The following DOCK7 variants were observed in gnomAD, a reference collection of about 807,000 sequenced individuals.
DOCK7 encodes the protein dedicator of cytokinesis protein 7.
Under a neutral mutation model 271.0 loss-of-function variants are expected in DOCK7, and 138 were observed. That is an observed-to-expected ratio of 0.51 (90% confidence interval 0.44 to 0.59). The LOEUF (loss-of-function observed/expected upper bound fraction) is 0.59, where lower values mean the gene tolerates loss of function less well. DOCK7 is among the 20% of genes least tolerant of loss of function. The pLI is 0.00. For synonymous variants in DOCK7, 823 were observed against 876.1 expected, an observed-to-expected ratio of 0.94 and a Z score of 1.07; for missense variants, 2,066 against 2,592.4, an observed-to-expected ratio of 0.80 and a Z score of 4.41.
At position 62,681,141 on chromosome 1, in the gene DOCK7, T is replaced by C. The variant is rs1296404582; in HGVS notation, c.38+7086A>G. Among the ~76,000 whole-genome samples the C allele has an allele frequency of 3.3e-5, 5 of 151,990 alleles. No homozygotes were observed. The East Asian group carries it at 7.7e-4, about 24-fold the overall frequency. On this transcript the variant is annotated intron_variant, in intron 1 of 49. Transcript: ENST00000635253. ...CAAAGACTTGGAACCAACCCAAATG[T>C]CCATCAATGATAGACTGGATGAAGA...
At chr1:62,683,862 G>C (rs986987827) in intron 1 of DOCK7, among the ~76,000 whole-genome samples, 3 of 152,074 alleles carry the variant, frequency 2.0e-5, no homozygotes, top group African/African-American at 7.2e-5. Context: ...TGGGGGCAGA[G>C]ACTTCAGTGA....
chr1:62,589,680 G>A (rs2149507513), intron 14 of DOCK7, among the ~76,000 whole-genome samples: 1 of 151,476 alleles, frequency 6.6e-6, no homozygotes, highest in African/African-American at 2.4e-5. Flanking sequence ...TCAAATTCAG[G>A]ACTATAAGGT....
chr1:62,655,486 G>A (rs1657909027), intron 2 of DOCK7, among the ~76,000 whole-genome samples: 2 of 148,338 alleles, frequency 1.3e-5, no homozygotes, highest in South Asian at 4.2e-4. Flanking sequence ...GTGCAATGGT[G>A]CAATTTCAGC....
intron 35 of DOCK7, 33 bp downstream of exon 35, chr1:62,507,929 C>G: frequency 2.5e-6 from 4 of 1,590,396 alleles, no homozygotes; most frequent in Non-Finnish European, 3.4e-6. Flanking sequence ...TTACCAAATC[C>G]GTATTTTAAA....
chr1:62,549,692 A>G (rs1309502798), intron 22 of DOCK7, among the ~76,000 whole-genome samples: 1 of 152,126 alleles, frequency 6.6e-6, no homozygotes, highest in African/African-American at 2.4e-5. Flanking sequence ...TAAATAACTA[A>G]ATAATAAACA....
At chr1:62,592,400 C>T (rs1055030288) in intron 14 of DOCK7, among the ~76,000 whole-genome samples, 2 of 151,572 alleles carry the variant, frequency 1.3e-5, no homozygotes, top group Non-Finnish European at 2.9e-5. Context: ...TTAAAGAGAC[C>T]GGATTTTATA....
intron 41 of DOCK7, among the ~76,000 whole-genome samples, chr1:62,491,317 C>G (rs1337253240): frequency 1.3e-5 from 2 of 152,218 alleles, no homozygotes; most frequent in Admixed American, 1.3e-4. Flanking sequence ...TCAAGCTTCT[C>G]TCTTACCCTA....
intron 29 of DOCK7, 95 bp downstream of exon 29, chr1:62,535,398 T>C: frequency 9.6e-7 from 1 of 1,041,146 alleles, no homozygotes; most frequent in Non-Finnish European, 1.4e-6. Context: ...TGTGAAAGAT[T>C]ATTCTCCTAA....
At chr1:62,617,392 C>T (rs1652577955) in intron 14 of DOCK7, among the ~76,000 whole-genome samples, 1 of 151,922 alleles carries the variant, frequency 6.6e-6, no homozygotes, top group South Asian at 2.1e-4. Flanking sequence ...ATTTGATTTA[C>T]AATTTTCAAA....
In DOCK7 at chr1:62,475,331, T is replaced by G; in HGVS notation, c.5982A>C (p.Glu1994Asp). 6.2e-7 allele frequency: 1 copy of G among 1,613,944 alleles called. No individual in the cohort carries two copies. Among genetic ancestry groups the G allele is most frequent in the Non-Finnish European group, 8.5e-7 (1 of 1,179,918 alleles). ...HKEEIILTPI[E>D]VAIEDMQKKT... is the part of the protein sequence containing the mutation. ...TTTTCTGCATGTCCTCAATAGCAAC[T>G]TCAATTGGTGTTAAGATGATCTGAG... Residue 1994 changes from glutamate (E) to aspartate (D), a missense_variant, in exon 47 of 50, where the codon GAA becomes GAC. Physicochemically the swap from Glu to Asp is conservative, Grantham distance 45. Transcript: ENST00000635253.
At chr1:62,538,737 A>G (rs1219666454) in intron 27 of DOCK7, among the ~76,000 whole-genome samples, 2 of 152,230 alleles carry the variant, frequency 1.3e-5, no homozygotes, top group Non-Finnish European at 1.5e-5. Context: ...AATTCTAAAT[A>G]TTAGACTGCC....
At chr1:62,639,583 T>A (rs1655741066) in intron 7 of DOCK7, among the ~76,000 whole-genome samples, 1 of 151,706 alleles carries the variant, frequency 6.6e-6, no homozygotes, top group Non-Finnish European at 1.5e-5. Context: ...TACAGGCGCA[T>A]GCCACCACAC....
In DOCK7 at chr1:62,494,393, T is replaced by C. The variant is rs757021977; in HGVS notation, c.5099A>G (p.Glu1700Gly). 5.6e-6 allele frequency: 9 copies of C among 1,613,432 alleles called. No individual in the cohort carries two copies. The highest frequency in any genetic ancestry group is 7.6e-6 in the Non-Finnish European group (9 of 1,179,500). ...TGCAGCTTCAGCATGATTGCTTCGT[T>C]CTGAGTGCTTGCCTGCCATGTTCTG... ...WLQNMAGKHS[E>G]RSNHAEAAQC... Residue 1700 changes from glutamate to glycine, a missense_variant, in exon 40 of 50, where the codon GAA becomes GGA. Physicochemically the swap from Glu to Gly is moderately conservative, Grantham distance 98. Around this residue, in one of 2 missense-constraint regions of DOCK7, gnomAD observed 652 missense variants for 922.1 expected, o/e 0.71. Coordinates refer to ENST00000635253, the MANE Select transcript of DOCK7 (RefSeq NM_001367561.1).
chr1:62,631,557 G>T, intron 10 of DOCK7, 152 bp from the exon 11 acceptor site: 1 of 632,660 alleles, frequency 1.6e-6, no homozygotes, highest in Non-Finnish European at 2.6e-6. Context: ...AAGTATTAGT[G>T]CAATATCTTA....
chr1:62,531,356 T>C (rs1232909730), intron 29 of DOCK7, among the ~76,000 whole-genome samples: 1 of 152,336 alleles, frequency 6.6e-6, no homozygotes, highest in East Asian at 1.9e-4. Context: ...TATATATTAA[T>C]ACAAGATCTG....
chr1:62,631,662 G>C (rs1480729111), intron 10 of DOCK7, among the ~76,000 whole-genome samples: 2 of 152,192 alleles, frequency 1.3e-5, no homozygotes, highest in Admixed American at 6.5e-5. Context: ...GGAGAAGAGA[G>C]TAAGTACCAA....
chr1:62,468,140 C>A (rs897102866), intron 48 of DOCK7, among the ~76,000 whole-genome samples: 1 of 152,008 alleles, frequency 6.6e-6, no homozygotes, highest in Admixed American at 6.6e-5. Context: ...GTGGGCAGAT[C>A]GCCTGAGGTC....
chr1:62,660,233 A>C (rs764390974), intron 2 of DOCK7, among the ~76,000 whole-genome samples: 1 of 152,214 alleles, frequency 6.6e-6, no homozygotes, highest in Non-Finnish European at 1.5e-5. Flanking sequence ...TTCTCTGACT[A>C]TAGTAGAATC....
Position 62,528,110 on chromosome 1 carries a change from T to A in DOCK7, c.3936+41A>T, listed in dbSNP as rs1226872575. 2.5e-6 allele frequency: 4 copies of A among 1,575,956 alleles called. No homozygotes were observed. In the East Asian group the frequency reaches 6.8e-5, roughly 27 times the overall value. On this transcript the variant is annotated intron_variant, in intron 31 of 49. Coordinates refer to ENST00000635253, the MANE Select transcript of DOCK7 (RefSeq NM_001367561.1). ...AAGGGCATATCCTAGTAAATATTTG[T>A]CTTTCTAGAAAAAAAAATTCTGTAG...
Sources: allele counts gnomAD v4.1 joint callset (sites outside exome capture counted in the v4.1 genomes callset), GRCh38; gene constraint gnomAD v4.1.1; regional missense constraint gnomAD v4.1.1; transcripts MANE v1.5; gene names NCBI Gene and HGNC (gene_info 2026-07-23, HGNC 2026-07-21).